ATP11B: variants seen among roughly 807,000 people sequenced by gnomAD.
The protein encoded by ATP11B is phospholipid-transporting ATPase IF.
ATP11B carries 81 observed loss-of-function variants against 157.8 expected under a neutral mutation model. The observed-to-expected ratio is 0.51, with a 90% CI of 0.43 to 0.62. ATP11B has a LOEUF of 0.62. ATP11B is among the 20% of genes least tolerant of loss of function. The probability of loss-of-function intolerance (pLI) is 0.00; values close to 1 mark genes in which losing one functional copy is unlikely to be tolerated. For synonymous variants in ATP11B, 451 were observed against 469.4 expected, an observed-to-expected ratio of 0.96 and a Z score of 0.51; for missense variants, 1,165 against 1,402.2, an observed-to-expected ratio of 0.83 and a Z score of 2.70.
In ATP11B at chr3:182,898,746, C is replaced by T; in HGVS notation, c.3292C>T (p.His1098Tyr). The part of the protein sequence containing the change: ...IIKKVFDRHL[H>Y]PTSTEKAQLT... ...AAAGAAGGTCTTTGACCGACACCTC[C>T]ACCCTACAAGTACTGAAAAGGCACA... The change falls in exon 28 of 30, where the codon CAC becomes TAC. Residue 1098 changes from histidine (H) to tyrosine (Y), a missense_variant. His to Tyr is a moderately conservative substitution (Grantham distance 83). Coordinates refer to ENST00000323116, the MANE Select transcript of ATP11B (RefSeq NM_014616.3). 6.3e-7 allele frequency: 1 copy of T among 1,579,544 alleles called. No individual in the cohort carries two copies. Among genetic ancestry groups the T allele is most frequent in the South Asian group, 1.2e-5 (1 of 83,608 alleles).
rs114138125 is a variant in ATP11B at position 182,844,462 on chromosome 3, C to T, written c.705-996C>T. 5.4e-4 allele frequency: 347 copies of T among 645,260 alleles called. 2 individuals carry two copies. In the African/African-American group the frequency reaches 6.6e-3, roughly 12 times the overall value. The allele number at this position is 645,260 out of a possible 1,614,324, so 40.0% of individuals were successfully genotyped here. ...ACAAAATAATTGCTTTTTAACTTTT[C>T]CATAGAAGATTCTTATTTTGCTATC... is the stretch of plus-strand genomic sequence containing the variant. On this transcript the variant is annotated intron_variant, in intron 8 of 29. Transcript: ENST00000323116.
At position 182,859,209 on chromosome 3, in the gene ATP11B, T is replaced by C. The variant is rs1720645662; in HGVS notation, c.1050T>C (p.Asn350=). The change falls in exon 12 of 30, where the codon AAT becomes AAC. Residue 350 remains asparagine, a synonymous_variant. Coordinates refer to ENST00000323116, the MANE Select transcript of ATP11B (RefSeq NM_014616.3). ...TCCTTGCTTTTTTGGTTCTCTACAATTTCATCATTCCAATTTCATTATATG... is the reference window on the plus strand; with the variant it reads ...TCCTTGCTTTTTTGGTTCTCTACAACTTCATCATTCCAATTTCATTATATG... The part of the protein sequence containing the change: ...SDFLAFLVLY[N]FIIPISLYVT... 2 of 1,612,670 alleles carry C rather than the reference T, an allele frequency of 1.2e-6. No homozygotes were observed. The highest frequency in any genetic ancestry group is 8.5e-7 in the Non-Finnish European group (1 of 1,179,350).
chr3:182,869,506 T>G (rs890893133), intron 17 of ATP11B, among the ~76,000 whole-genome samples, 175 bp downstream of exon 17: 4 of 152,220 alleles, frequency 2.6e-5, no homozygotes, highest in African/African-American at 4.8e-5. Context: ...CAAAAATATA[T>G]CTTCTCTTCA....
intron 29 of ATP11B, chr3:182,917,732 C>T (rs1364996822): frequency 1.0e-6 from 1 of 984,938 alleles, no homozygotes; most frequent in Non-Finnish European, 1.2e-6. Context: ...GAATTGTTAA[C>T]ACTTTAAAAG....
At chr3:182,848,079 T>C (rs1719672664) in intron 9 of ATP11B, among the ~76,000 whole-genome samples, 1 of 152,238 alleles carries the variant, frequency 6.6e-6, no homozygotes, top group Non-Finnish European at 1.5e-5. Flanking sequence ...TTTCACACTG[T>C]GGCCATAGTC....
chr3:182,904,860 G>A (rs1398690725), intron 28 of ATP11B, among the ~76,000 whole-genome samples: 1 of 136,538 alleles, frequency 7.3e-6, no homozygotes, highest in East Asian at 2.2e-4. Context: ...CTTCACTCCA[G>A]CCTGGACAGC....
At chr3:182,915,356 TAGA>T in intron 29 of ATP11B, 2 of 985,384 alleles carry the variant, frequency 2.0e-6, no homozygotes, top group Non-Finnish European at 2.4e-6. Context: ...TCATTCCACG[TAGA>T]AGGATGAGCA....
At chr3:182,916,516 G>A in intron 29 of ATP11B, 2 of 985,272 alleles carry the variant, frequency 2.0e-6, no homozygotes, top group South Asian at 4.7e-5. Flanking sequence ...GAGCATCATG[G>A]TGCTATATAA....
chr3:182,877,763 A>G (rs1475499792), intron 19 of ATP11B, among the ~76,000 whole-genome samples: 2 of 152,192 alleles, frequency 1.3e-5, no homozygotes, highest in Non-Finnish European at 2.9e-5. Flanking sequence ...GGGACAGGGT[A>G]TGAAGAGTAG....
intron 15 of ATP11B, among the ~76,000 whole-genome samples, chr3:182,868,475 G>A (rs895567752): frequency 6.6e-6 from 1 of 151,720 alleles, no homozygotes; most frequent in Non-Finnish European, 1.5e-5. Flanking sequence ...AAATCACTGT[G>A]TAAGATTCAT....
intron 29 of ATP11B, chr3:182,917,080 G>C: frequency 1.0e-6 from 1 of 985,260 alleles, no homozygotes. Context: ...AATTAAAGTT[G>C]AGCTACATAC....
intron 3 of ATP11B, 40 bp from the exon 4 acceptor site, chr3:182,829,632 A>G (rs749332938): frequency 7.4e-7 from 1 of 1,345,752 alleles, no homozygotes; most frequent in East Asian, 2.5e-5. Context: ...TGTGCACAAT[A>G]TAAAAATATA....
At chr3:182,800,147 C>G (rs1280056678) in intron 1 of ATP11B, among the ~76,000 whole-genome samples, 1 of 151,910 alleles carries the variant, frequency 6.6e-6, no homozygotes, top group Non-Finnish European at 1.5e-5. Context: ...GAAACAAAAA[C>G]ATTCTTGATT....
chr3:182,879,501 C>T lies in ATP11B; in HGVS notation c.2258C>T (p.Thr753Ile). Residue 753 changes from threonine (T) to isoleucine (I), a missense_variant, in exon 20 of 30, where the codon ACA (threonine) becomes ATA (isoleucine). Physicochemically the swap from Thr to Ile is moderately conservative, Grantham distance 89 (BLOSUM62 -1). Around this residue, in one of 4 missense-constraint regions of ATP11B, gnomAD observed 737 missense variants for 930.5 expected, o/e 0.79. Transcript: ENST00000323116. ...ATAATTATTTTCTCTTTTAGAATTA[C>T]AGAGGATCATGTGATTCAGCATGGG... is the stretch of plus-strand genomic sequence containing the variant. The part of the protein sequence containing the change: ...EQLRQLARRI[T>I]EDHVIQHGLV... 1 of 1,598,562 alleles carries T rather than the reference C, an allele frequency of 6.3e-7. No individual in the cohort carries two copies. Among genetic ancestry groups the T allele is most frequent in the Non-Finnish European group, 8.5e-7 (1 of 1,175,456 alleles).
chr3:182,876,689 C>G (rs778743377), intron 19 of ATP11B, among the ~76,000 whole-genome samples: 1 of 152,106 alleles, frequency 6.6e-6, no homozygotes, highest in Non-Finnish European at 1.5e-5. Context: ...GTGGAAGGGA[C>G]GAAAGGCAAG....
chr3:182,868,893 T>C (rs1721438255), intron 15 of ATP11B, among the ~76,000 whole-genome samples, 185 bp from the exon 16 acceptor site: 2 of 152,182 alleles, frequency 1.3e-5, no homozygotes, highest in Admixed American at 1.3e-4. Flanking sequence ...AATTACTCAA[T>C]GTCAGTCTCT....
intron 19 of ATP11B, among the ~76,000 whole-genome samples, chr3:182,874,441 GT>G (rs914035997): frequency 3.9e-5 from 6 of 152,136 alleles, no homozygotes; most frequent in African/African-American, 1.2e-4. Flanking sequence ...ACATTTTACT[GT>G]TTTTTATTAG....
chr3:182,874,185 G>C lies in ATP11B; in HGVS notation c.2252+170G>C, dbSNP rs116948694. 2.2e-3 allele frequency among the ~76,000 whole-genome samples: 330 copies of C among 152,306 alleles called. 6 individuals carry two copies. The East Asian group carries it at 0.035, about 16-fold the overall frequency. On this transcript the variant is annotated intron_variant, in intron 19 of 29. Transcript: ENST00000323116. ...CCAAAGAAGAAGAATATTTCATGAA[G>C]TGAAAAGTATATGAAATTCAAATTC...
At chr3:182,848,847 AAAC>A (rs1719745078) in intron 10 of ATP11B, among the ~76,000 whole-genome samples, 1 of 152,204 alleles carries the variant, frequency 6.6e-6, no homozygotes, top group Non-Finnish European at 1.5e-5. Flanking sequence ...AAATTTAAAT[AAAC>A]AACTATTTGA....
Sources: gnomAD v4.1 joint callset for allele counts (sites outside exome capture counted in the v4.1 genomes callset) on GRCh38, gnomAD v4.1.1 for gene constraint, gnomAD v4.1.1 regional missense constraint, MANE v1.5 for transcripts, NCBI Gene and HGNC (gene_info 2026-07-23, HGNC 2026-07-21) for gene names.